The following WDR27 variants were observed in gnomAD, a reference collection of about 807,000 sequenced individuals.
WDR27 encodes the protein WD repeat domain 27, also known as WD repeat-containing protein 27.
In WDR27, 100 loss-of-function variants were observed where a neutral mutation model predicts 114.4. The ratio of observed to expected loss-of-function variants is 0.87; its 90% CI spans 0.74 to 1.03. The LOEUF is 1.03. WDR27 is among the 50% of genes least tolerant of loss of function. WDR27 has a pLI of 0.00. For missense variants in WDR27, 1,129 were observed against 1,092.9 expected (o/e 1.03, Z -0.47); for synonymous variants, 449 against 423.1 (o/e 1.06, Z -0.75).
chr6:169,548,540 C>T (rs1286641971), intron 25 of WDR27, among the ~76,000 whole-genome samples: 1 of 152,032 alleles, frequency 6.6e-6, no homozygotes, highest in Non-Finnish European at 1.5e-5. Context: ...AAGCAAAAGA[C>T]CTTTCATATA....
intron 13 of WDR27, chr6:169,657,692 T>C (rs1824620498): frequency 6.5e-6 from 1 of 153,022 alleles, no homozygotes; most frequent in Non-Finnish European, 1.5e-5. Flanking sequence ...AGTTAATTTA[T>C]ACATATTTGA....
At chr6:169,678,572 T>C (rs1039731633) in intron 2 of WDR27, among the ~76,000 whole-genome samples, 5 of 152,190 alleles carry the variant, frequency 3.3e-5, no homozygotes, top group Admixed American at 6.5e-5. Context: ...ATTGAGTTGA[T>C]GCTGGAACAA....
rs531573023 is a variant in WDR27, at chr6:169,701,873, G to A, written c.-330C>T. On this transcript the variant is annotated 5_prime_UTR_variant, in exon 1 of 26. Transcript: ENST00000448612. ...GGCACACGCCCCAGAGCAGCAGCTC[G>A]GGTTCGGCGCCGACTCCGCGCCGAG... 1.2e-5 allele frequency: 4 copies of A among 337,712 alleles called. No individual in the cohort carries two copies. Among genetic ancestry groups the A allele is most frequent in the South Asian group, 8.6e-5 (4 of 46,590 alleles). The allele number at this position is 337,712 out of a possible 1,614,324, so 20.9% of individuals were successfully genotyped here.
chr6:169,609,660 G>A (rs1383493475), intron 22 of WDR27, among the ~76,000 whole-genome samples: 1 of 152,188 alleles, frequency 6.6e-6, no homozygotes, highest in Non-Finnish European at 1.5e-5. Flanking sequence ...TGTGATGGGA[G>A]GGGCTGCCAT....
intron 25 of WDR27, among the ~76,000 whole-genome samples, chr6:169,464,582 A>C (rs893425083): frequency 1.3e-5 from 2 of 152,232 alleles, no homozygotes; most frequent in Non-Finnish European, 2.9e-5. Context: ...AAAGAGTGAA[A>C]TAGCATCCAC....
chr6:169,611,128 C>G (rs1456654794), intron 22 of WDR27, among the ~76,000 whole-genome samples: 1 of 152,064 alleles, frequency 6.6e-6, no homozygotes, highest in African/African-American at 2.4e-5. Context: ...GCAGGACTGG[C>G]AGTTGCTCTG....
intron 25 of WDR27, among the ~76,000 whole-genome samples, chr6:169,520,783 G>A (rs1794278953): frequency 6.6e-6 from 1 of 151,984 alleles, no homozygotes. Flanking sequence ...AATGGATCAA[G>A]CAGAGGAAAG....
chr6:169,689,244 T>G, intron 1 of WDR27: 1 of 395,198 alleles, frequency 2.5e-6, no homozygotes, highest in Non-Finnish European at 4.5e-6. Flanking sequence ...AAGCAAACCT[T>G]GACTCAAATA....
chr6:169,560,608 G>T (rs1799548814), intron 25 of WDR27, among the ~76,000 whole-genome samples: 1 of 152,216 alleles, frequency 6.6e-6, no homozygotes. Context: ...TGGGCTTGAT[G>T]CTGGCCCTCT....
chr6:169,700,488 T>C (rs954867108), intron 1 of WDR27, among the ~76,000 whole-genome samples: 1 of 152,234 alleles, frequency 6.6e-6, no homozygotes. Context: ...TGCAGCCATG[T>C]AGTCGTTGAG....
chr6:169,631,561 C>T (rs555577925), intron 21 of WDR27, among the ~76,000 whole-genome samples: 4 of 152,280 alleles, frequency 2.6e-5, no homozygotes, highest in South Asian at 2.1e-4. Context: ...TCTCCCCAGG[C>T]GTCCTCCTGG....
At chr6:169,470,975 C>A (rs902534058) in intron 25 of WDR27, among the ~76,000 whole-genome samples, 2 of 152,092 alleles carry the variant, frequency 1.3e-5, no homozygotes, top group African/African-American at 4.8e-5. Flanking sequence ...TATGCCAGCA[C>A]CCTCAGACCC....
chr6:169,552,652 T>C (rs760950), intron 25 of WDR27, among the ~76,000 whole-genome samples: 48,359 of 152,122 alleles, frequency 0.32, 8,929 homozygotes, highest in African/African-American at 0.5. Flanking sequence ...TGCTCTAAAT[T>C]GATCAACTGC....
chr6:169,636,631 G>T, intron 18 of WDR27, 127 bp from the exon 19 acceptor site: 1 of 909,884 alleles, frequency 1.1e-6, no homozygotes, highest in Non-Finnish European at 1.6e-6. Flanking sequence ...CATAAACTTT[G>T]TTAGACCCAA....
intron 23 of WDR27, among the ~76,000 whole-genome samples, chr6:169,591,131 T>G (rs1188084312): frequency 1.3e-5 from 2 of 152,160 alleles, no homozygotes; most frequent in Non-Finnish European, 2.9e-5. Flanking sequence ...CTCCACATCC[T>G]CATCATCACC....
At chr6:169,587,312 G>C (rs1458487221) in intron 23 of WDR27, among the ~76,000 whole-genome samples, 1 of 146,758 alleles carries the variant, frequency 6.8e-6, no homozygotes, top group African/African-American at 2.5e-5. Context: ...TCCACCTCCT[G>C]GGCTCAAGCG....
intron 25 of WDR27, among the ~76,000 whole-genome samples, chr6:169,482,572 T>G (rs1159209036): frequency 6.6e-6 from 1 of 152,120 alleles, no homozygotes; most frequent in Non-Finnish European, 1.5e-5. Flanking sequence ...TAGTCTTTTG[T>G]GCAATAACAG....
intron 16 of WDR27, among the ~76,000 whole-genome samples, chr6:169,646,443 A>G (rs1381542829): frequency 6.6e-6 from 1 of 152,196 alleles, no homozygotes; most frequent in South Asian, 2.1e-4. Flanking sequence ...TTTTCCAAAA[A>G]CAGGGTAGAA....
intron 1 of WDR27, among the ~76,000 whole-genome samples, chr6:169,697,352 T>C (rs908930355): frequency 6.6e-5 from 10 of 152,116 alleles, no homozygotes; most frequent in African/African-American, 2.4e-4. Flanking sequence ...GAAGATGCTC[T>C]TTGCCAGGTG....
Sources: allele counts gnomAD v4.1 joint callset (sites outside exome capture counted in the v4.1 genomes callset), GRCh38; gene constraint gnomAD v4.1.1; transcripts MANE v1.5; gene names NCBI Gene and HGNC (gene_info 2026-07-23, HGNC 2026-07-21).